The following KIAA0513 variants were observed in gnomAD, a reference collection of about 807,000 sequenced individuals.
KIAA0513 encodes uncharacterized protein KIAA0513.
Under a neutral mutation model 56.5 loss-of-function variants are expected in KIAA0513, and 39 were observed. That is an observed-to-expected ratio of 0.69 (90% confidence interval 0.53 to 0.90). KIAA0513 has a LOEUF of 0.90. KIAA0513 is among the 40% of genes least tolerant of loss of function. KIAA0513 has a pLI of 0.00. For missense variants in KIAA0513, 591 were observed against 535.2 expected (o/e 1.10, Z -1.03); for synonymous variants, 268 against 215.6 (o/e 1.24, Z -2.13).
intron 4 of KIAA0513, among the ~76,000 whole-genome samples, chr16:85,073,883 G>A (rs1041251918): frequency 6.6e-6 from 1 of 152,066 alleles, no homozygotes; most frequent in South Asian, 2.1e-4. Context: ...GTCCTTCCAG[G>A]CCTGAAAAAT....
At chr16:85,060,900 TC>T (rs887431386) in intron 1 of KIAA0513, among the ~76,000 whole-genome samples, 2 of 149,692 alleles carry the variant, frequency 1.3e-5, no homozygotes, top group African/African-American at 4.9e-5. Context: ...ACACCTGTAA[TC>T]CTAGCACTTT....
rs1434917968 is a variant in KIAA0513, at chr16:85,084,348, C to T, written c.1010+1755C>T. On this transcript the variant is annotated intron_variant, in intron 10 of 12. Transcript: ENST00000683363. ...GTAACCTCTGCCTCCCAGGTTCAAG[C>T]GGTTCTCCTGCCTCAGCCTCCCGAG... Among the ~76,000 whole-genome samples, 3 of 151,048 alleles carry T rather than the reference C, an allele frequency of 2.0e-5. No homozygotes were observed. The East Asian group carries it at 5.8e-4, about 29-fold the overall frequency.
At chr16:85,033,670 G>A (rs1289675622) in intron 1 of KIAA0513, among the ~76,000 whole-genome samples, 1 of 152,004 alleles carries the variant, frequency 6.6e-6, no homozygotes, top group Non-Finnish European at 1.5e-5. Context: ...TGGGGGTGGG[G>A]GCAGGGATGG....
intron 1 of KIAA0513, among the ~76,000 whole-genome samples, chr16:85,046,296 T>C (rs892135529): frequency 6.6e-6 from 1 of 152,192 alleles, no homozygotes; most frequent in African/African-American, 2.4e-5. Context: ...ACAAACATCT[T>C]ACCTAACCTG....
Position 85,057,413 on chromosome 16 carries a change from T to C in KIAA0513, c.-172-9487T>C, listed in dbSNP as rs552830570. Among the ~76,000 whole-genome samples the C allele has an allele frequency of 7.9e-5, 12 of 152,320 alleles. No homozygotes were observed. The South Asian group carries it at 2.3e-3, about 29-fold the overall frequency. The stretch of plus-strand genomic sequence containing the variant: ...GACGGGAGGAGGTGTGTGGTGTGAT[T>C]GGGCCCCCAGTGGCTGGACTCTGCA... On this transcript the variant is annotated intron_variant, in intron 1 of 12. Coordinates refer to ENST00000683363, the MANE Select transcript of KIAA0513 (RefSeq NM_001388359.1).
At chr16:85,073,786 C>A (rs1004336957) in intron 4 of KIAA0513, among the ~76,000 whole-genome samples, 1 of 152,202 alleles carries the variant, frequency 6.6e-6, no homozygotes, top group Non-Finnish European at 1.5e-5. Flanking sequence ...CAGAAGGCCT[C>A]CAAGCAGTCC....
chr16:85,081,545 C>T lies in KIAA0513; in HGVS notation c.980+153C>T, dbSNP rs1292537595. On this transcript the variant is annotated intron_variant, in intron 9 of 12. Transcript: ENST00000683363. The surrounding 1 kb of genome is among the most constrained non-coding windows in gnomAD (Gnocchi z 4.4). The stretch of plus-strand genomic sequence containing the variant: ...CATGGCCCTGGTGCCTCGCAAGCTG[C>T]CTGAGGGGTCACAGCTTCATGGGTG... Among the ~76,000 whole-genome samples, 1 of 152,082 alleles carries T rather than the reference C, an allele frequency of 6.6e-6. No individual in the cohort carries two copies. Among genetic ancestry groups the T allele is most frequent in the Non-Finnish European group, 1.5e-5 (1 of 68,004 alleles).
intron 1 of KIAA0513, among the ~76,000 whole-genome samples, chr16:85,032,196 C>T (rs1661893845): frequency 6.6e-6 from 1 of 152,202 alleles, no homozygotes; most frequent in African/African-American, 2.4e-5. Flanking sequence ...CTGCATCACC[C>T]CAGGGTCTGC....
rs571473285 is a variant in KIAA0513, at chr16:85,077,318, G to T, written c.575-107G>T. ...TCCTCGGCTGAGGAGGGAGGCTCCC[G>T]TATCCCCACTGCACAGGACCCCTGC... On this transcript the variant is annotated intron_variant, in intron 5 of 12. Transcript: ENST00000683363. 3.9e-4 allele frequency: 395 copies of T among 1,025,338 alleles called. 4 individuals carry two copies. The highest frequency in any genetic ancestry group is 3.3e-3 in the South Asian group (205 of 62,004). 63.5% of individuals were successfully genotyped at this position (1,025,338 alleles called of 1,614,324 possible).
chr16:85,048,285 C>T (rs940943780), intron 1 of KIAA0513, among the ~76,000 whole-genome samples: 6 of 152,102 alleles, frequency 3.9e-5, no homozygotes, highest in Admixed American at 2.6e-4. Context: ...ACAAAGGCTT[C>T]GACCGTCAGC....
chr16:85,028,054 G>C (rs949119924), intron 1 of KIAA0513, among the ~76,000 whole-genome samples, 196 bp downstream of exon 1: 2 of 152,130 alleles, frequency 1.3e-5, no homozygotes, highest in African/African-American at 4.8e-5. Context: ...GCTCAGGCCG[G>C]GGTTCTCCGC....
chr16:85,056,233 G>A (rs541198495), intron 1 of KIAA0513, among the ~76,000 whole-genome samples: 1 of 152,346 alleles, frequency 6.6e-6, no homozygotes, highest in African/African-American at 2.4e-5. Context: ...TGCCATAGGA[G>A]CCATGCCTTC....
At chr16:85,046,250 T>G (rs1177889205) in intron 1 of KIAA0513, among the ~76,000 whole-genome samples, 1 of 152,346 alleles carries the variant, frequency 6.6e-6, no homozygotes, top group East Asian at 1.9e-4. Context: ...CACATGGCTA[T>G]TCTCTTAGCA....
intron 1 of KIAA0513, among the ~76,000 whole-genome samples, chr16:85,044,457 C>T (rs1213519140): frequency 6.6e-6 from 1 of 152,116 alleles, no homozygotes; most frequent in Non-Finnish European, 1.5e-5. Flanking sequence ...GTTCTGGAAA[C>T]ATAGTCTCTG....
intron 4 of KIAA0513, 43 bp downstream of exon 4, chr16:85,073,041 C>T: frequency 1.3e-6 from 2 of 1,520,370 alleles, no homozygotes; most frequent in Non-Finnish European, 1.8e-6. Flanking sequence ...TGGCAAGCTC[C>T]TCTTCCCTCC....
chr16:85,068,086 C>T (rs1427230083), intron 2 of KIAA0513, among the ~76,000 whole-genome samples: 2 of 152,158 alleles, frequency 1.3e-5, no homozygotes, highest in Admixed American at 6.5e-5. Flanking sequence ...GTTGGGATTA[C>T]AGGCGTTAGC....
intron 1 of KIAA0513, among the ~76,000 whole-genome samples, chr16:85,051,263 G>C (rs1263013164): frequency 6.6e-6 from 1 of 152,128 alleles, no homozygotes; most frequent in Non-Finnish European, 1.5e-5. Context: ...CCAGCAGATG[G>C]CCCCTTATCT....
At chr16:85,045,495 A>G (rs958650084) in intron 1 of KIAA0513, among the ~76,000 whole-genome samples, 1 of 152,172 alleles carries the variant, frequency 6.6e-6, no homozygotes. Flanking sequence ...AGCTGGGATT[A>G]CAGGCACCCA....
At chr16:85,087,751 G>C (rs2073826360) in intron 12 of KIAA0513, among the ~76,000 whole-genome samples, 2 of 152,226 alleles carry the variant, frequency 1.3e-5, no homozygotes. Flanking sequence ...CGTGGGTACG[G>C]ATTGACCCAT....
Sources: allele counts gnomAD v4.1 joint callset (sites outside exome capture counted in the v4.1 genomes callset), GRCh38; gene constraint gnomAD v4.1.1; non-coding constraint Gnocchi (gnomAD v3.1); transcripts MANE v1.5; gene names NCBI Gene and HGNC (gene_info 2026-07-23, HGNC 2026-07-21).